DNAJC24: variants seen among roughly 807,000 people sequenced by gnomAD.
DNAJC24 encodes dnaJ homolog subfamily C member 24.
Under a neutral mutation model 18.0 loss-of-function variants are expected in DNAJC24, and 17 were observed. The observed-to-expected ratio is 0.94, with a 90% CI of 0.65 to 1.42. The LOEUF (loss-of-function observed/expected upper bound fraction) is 1.42. Among genes scored for constraint, DNAJC24 ranks in the 40% most tolerant of loss-of-function variants. The probability of loss-of-function intolerance (pLI) is 0.00; values close to 1 mark genes in which losing one functional copy is unlikely to be tolerated. For synonymous variants in DNAJC24, 55 were observed against 57.7 expected (o/e 0.95, Z 0.21); for missense variants, 158 against 175.6 (o/e 0.90, Z 0.57).
At chr11:31,422,585 G>A (rs529558544) in intron 3 of DNAJC24, among the ~76,000 whole-genome samples, 16 of 152,140 alleles carry the variant, frequency 1.1e-4, no homozygotes, top group Non-Finnish European at 2.1e-4. Context: ...TACTTTTCTA[G>A]ATACCTATTA....
intron 2 of DNAJC24, among the ~76,000 whole-genome samples, chr11:31,392,531 T>G (rs1038999947): frequency 6.6e-6 from 1 of 152,062 alleles, no homozygotes; most frequent in Non-Finnish European, 1.5e-5. Flanking sequence ...TGATATTCTA[T>G]CTTAAAAATA....
chr11:31,396,337 C>A (rs756938846), intron 2 of DNAJC24: 9 of 451,120 alleles, frequency 2.0e-5, no homozygotes, highest in South Asian at 1.4e-4. Context: ...TTTATTTGAC[C>A]CTCTTCACTT....
Position 31,370,710 on chromosome 11 carries a change from A to G in DNAJC24, c.-33-6A>G. ...GTGATGAATTGTCATTAATATTTCT[A>G]TTCAGCTAATCTGAGAAGGCCCACT... is the stretch of plus-strand genomic sequence containing the variant. On this transcript the variant is annotated splice_polypyrimidine_tract_variant and splice_region_variant and intron_variant, in intron 1 of 4. Coordinates refer to ENST00000465995, the MANE Select transcript of DNAJC24 (RefSeq NM_181706.5). 2 of 1,366,140 alleles carry G rather than the reference A, an allele frequency of 1.5e-6. No homozygotes were observed. The highest frequency in any genetic ancestry group is 1.5e-5 in the African/African-American group (1 of 68,384). 84.6% of individuals were successfully genotyped at this position (1,366,140 alleles called of 1,614,324 possible).
chr11:31,415,877 G>T (rs1952747718), intron 3 of DNAJC24: 1 of 152,126 alleles, frequency 6.6e-6, no homozygotes, highest in Admixed American at 6.6e-5. Context: ...TAGTACTAAG[G>T]TTATGAAAAT....
chr11:31,395,287 C>T lies in DNAJC24; in HGVS notation c.112-19524C>T, dbSNP rs145959271. Among the ~76,000 whole-genome samples, 288 of 152,182 alleles carry T rather than the reference C, an allele frequency of 1.9e-3. 2 individuals carry two copies. Among genetic ancestry groups the T allele is most frequent in the Non-Finnish European group, 3.3e-3 (226 of 67,986 alleles). The stretch of plus-strand genomic sequence containing the variant: ...ACGACATTTTGTTTATCCAGCCTAA[C>T]GTTGATGGGCATTTAGGTTGATTCC... On this transcript the variant is annotated intron_variant, in intron 2 of 4. Transcript: ENST00000465995.
intron 2 of DNAJC24, 63 bp downstream of exon 2, chr11:31,370,922 A>G: frequency 1.9e-6 from 2 of 1,043,298 alleles, no homozygotes; most frequent in African/African-American, 1.6e-5. Context: ...ATATGAAACC[A>G]CAAATTTAGG....
intron 4 of DNAJC24, among the ~76,000 whole-genome samples, chr11:31,429,084 G>A (rs976849728): frequency 1.3e-5 from 2 of 152,050 alleles, no homozygotes; most frequent in Non-Finnish European, 2.9e-5. Context: ...ACATGCTGTA[G>A]TACATAGATG....
At chr11:31,379,104 A>G (rs1396292164) in intron 2 of DNAJC24, among the ~76,000 whole-genome samples, 4 of 151,822 alleles carry the variant, frequency 2.6e-5, no homozygotes, top group African/African-American at 9.7e-5. Flanking sequence ...TTTTTTCTCT[A>G]TTATATTTTC....
At chr11:31,395,079 T>C (rs1280575228) in intron 2 of DNAJC24, among the ~76,000 whole-genome samples, 1 of 152,184 alleles carries the variant, frequency 6.6e-6, no homozygotes, top group African/African-American at 2.4e-5. Flanking sequence ...CCCTTCTTTG[T>C]GTCCATGTGT....
intron 2 of DNAJC24, among the ~76,000 whole-genome samples, chr11:31,390,697 T>A (rs1952485783): frequency 7.8e-6 from 1 of 127,936 alleles, no homozygotes. Flanking sequence ...CAGAGTGAGA[T>A]TCCATCTTAA....
rs74622402 is a variant in DNAJC24 at position 31,432,141 on chromosome 11, G to A, written c.*1740G>A. 0.019 allele frequency among the ~76,000 whole-genome samples: 2,886 copies of A among 152,252 alleles called. 81 individuals carry two copies. Among genetic ancestry groups the A allele is most frequent in the African/African-American group, 0.065 (2,700 of 41,532 alleles). Reference sequence around the variant, plus strand: ...CAGGTTGAACTTATAAATACGAATAGTTACTACTCTGACTTGTAAATGTAG... The same window carrying A: ...CAGGTTGAACTTATAAATACGAATAATTACTACTCTGACTTGTAAATGTAG... On this transcript the variant is annotated 3_prime_UTR_variant, in exon 5 of 5. Transcript: ENST00000465995.
chr11:31,432,546 C>T lies in DNAJC24; in HGVS notation c.*2145C>T. The T allele has an allele frequency of 6.2e-7, 1 of 1,612,944 alleles. No individual in the cohort carries two copies. The highest frequency in any genetic ancestry group is 1.1e-5 in the South Asian group (1 of 91,034). ...GCCATTAGGGCTGGCACGTAAAAAT[C>T]CAAAATCACTCAGAGGCCAAATCTG... On this transcript the variant is annotated 3_prime_UTR_variant, in exon 5 of 5. Transcript: ENST00000465995.
intron 2 of DNAJC24, among the ~76,000 whole-genome samples, chr11:31,396,029 C>G (rs2133481900): frequency 6.6e-6 from 1 of 152,276 alleles, no homozygotes; most frequent in Non-Finnish European, 1.5e-5. Flanking sequence ...ACTGTCACTC[C>G]TTTCTTCTTG....
At chr11:31,379,469 G>T (rs781722811) in intron 2 of DNAJC24, among the ~76,000 whole-genome samples, 1 of 152,146 alleles carries the variant, frequency 6.6e-6, no homozygotes, top group Admixed American at 6.5e-5. Context: ...GTTGGGGACC[G>T]CTGCTCTCGC....
rs778142613 is a variant in DNAJC24, at chr11:31,398,490, C to T, written c.112-16321C>T. On this transcript the variant is annotated intron_variant, in intron 2 of 4. Transcript: ENST00000465995. ...AAGTTTTATTTAAAGAATATTTGTA[C>T]ATTTTAGGTCCACAGGAACATTTCT... is the stretch of plus-strand genomic sequence containing the variant. Among the ~76,000 whole-genome samples the T allele has an allele frequency of 1.3e-5, 2 of 152,102 alleles. 1 individual carries two copies. The highest frequency in any genetic ancestry group is 4.1e-4 in the South Asian group (2 of 4,830).
intron 2 of DNAJC24, among the ~76,000 whole-genome samples, chr11:31,399,038 A>G (rs368251113): frequency 6.6e-6 from 1 of 152,180 alleles, no homozygotes; most frequent in South Asian, 2.1e-4. Context: ...CTTGTGTTGA[A>G]TATATCATCA....
intron 2 of DNAJC24, among the ~76,000 whole-genome samples, chr11:31,402,171 A>G (rs1383121983): frequency 2.6e-5 from 4 of 152,346 alleles, no homozygotes; most frequent in Admixed American, 6.5e-5. Flanking sequence ...CTACAAACCT[A>G]TACAATATGT....
rs781560505 is a variant in DNAJC24 at position 31,432,479 on chromosome 11, A to C, written c.*2078A>C. The C allele has an allele frequency of 1.9e-5, 29 of 1,563,400 alleles. No individual in the cohort carries two copies. In the Admixed American group the frequency reaches 4.8e-4, roughly 26 times the overall value. On this transcript the variant is annotated 3_prime_UTR_variant, in exon 5 of 5. Coordinates refer to ENST00000465995, the MANE Select transcript of DNAJC24 (RefSeq NM_181706.5). Reference sequence around the variant, plus strand: ...TCACATGAAAAGGAGACAATAATCAAGTCAAAAGAATAAATGCTTACTAAT... The same window carrying C: ...TCACATGAAAAGGAGACAATAATCACGTCAAAAGAATAAATGCTTACTAAT...
chr11:31,389,648 A>G (rs1296600213), intron 2 of DNAJC24, among the ~76,000 whole-genome samples: 1 of 152,206 alleles, frequency 6.6e-6, no homozygotes, highest in Non-Finnish European at 1.5e-5. Context: ...GCACCTATAG[A>G]CCAAATGGAC....
Sources: allele counts gnomAD v4.1 joint callset (sites outside exome capture counted in the v4.1 genomes callset), GRCh38; gene constraint gnomAD v4.1.1; transcripts MANE v1.5; gene names NCBI Gene and HGNC (gene_info 2026-07-23, HGNC 2026-07-21).